The following PHF24 variants were observed in gnomAD, a reference collection of about 807,000 sequenced individuals.
PHF24 encodes PHD finger protein 24.
A neutral mutation model predicts 42.6 loss-of-function variants in PHF24; 25 were observed. The observed-to-expected ratio is 0.59, with a 90% CI of 0.43 to 0.82. PHF24 has a LOEUF of 0.82. Ranked by LOEUF, PHF24 falls within the 40% of genes least tolerant of loss-of-function variation. The pLI, the probability that PHF24 is intolerant of heterozygous loss-of-function variation, is 0.00. For missense variants in PHF24, 470 were observed against 538.1 expected (o/e 0.87, Z 1.25); for synonymous variants, 185 against 204.8 (o/e 0.90, Z 0.83).
the PHF24 span, among the ~76,000 whole-genome samples, chr9:34,735,133 C>CT: frequency 2.8e-3 from 310 of 112,476 alleles, 3 homozygotes; most frequent in African/African-American, 3.4e-3. Flanking sequence ...TTTCTTTTTT[C>CT]TTTTTTTTTT....
At chr9:34,895,541 G>A in the PHF24 span, 1 of 398,416 alleles carries the variant, frequency 2.5e-6, no homozygotes, top group Non-Finnish European at 4.4e-6. Context: ...TCTTGTTTGA[G>A]GCACATCAAT....
intron 1 of PHF24, among the ~76,000 whole-genome samples, chr9:34,964,849 TC>T (rs1826714139): frequency 6.6e-6 from 1 of 152,252 alleles, no homozygotes; most frequent in East Asian, 1.9e-4. Flanking sequence ...CATCACCTGC[TC>T]CTCTCCCCTG....
At chr9:34,879,416 A>G in the PHF24 span, among the ~76,000 whole-genome samples, 1 of 152,202 alleles carries the variant, frequency 6.6e-6, no homozygotes. Context: ...AAACTTCTCC[A>G]AGCTAAAGGA....
chr9:34,675,636 T>C, the PHF24 span, among the ~76,000 whole-genome samples: 1 of 152,142 alleles, frequency 6.6e-6, no homozygotes, highest in Non-Finnish European at 1.5e-5. Context: ...CTTCCCTGCG[T>C]CCTATCCCCT....
At chr9:34,977,018 A>C in intron 5 of PHF24, 65 bp from the exon 6 acceptor site, 1 of 1,504,206 alleles carries the variant, frequency 6.6e-7, no homozygotes, top group South Asian at 1.3e-5. Flanking sequence ...TGGAGATAGG[A>C]TTCTCTATGG....
chr9:34,728,870 T>C, the PHF24 span, among the ~76,000 whole-genome samples: 1 of 152,224 alleles, frequency 6.6e-6, no homozygotes, highest in Non-Finnish European at 1.5e-5. Context: ...CCAAATTCTA[T>C]ACCTCCCATC....
chr9:34,674,555 G>A, the PHF24 span, among the ~76,000 whole-genome samples: 2 of 152,266 alleles, frequency 1.3e-5, no homozygotes, highest in Non-Finnish European at 2.9e-5. Flanking sequence ...AAGCATGGCT[G>A]TATTCCAATA....
At chr9:34,715,539 T>C in the PHF24 span, among the ~76,000 whole-genome samples, 2 of 151,966 alleles carry the variant, frequency 1.3e-5, no homozygotes, top group South Asian at 4.2e-4. Flanking sequence ...ACATCCGAGA[T>C]GTGGGTCTCC....
the PHF24 span, among the ~76,000 whole-genome samples, chr9:34,796,848 A>G: frequency 1.3e-5 from 2 of 152,246 alleles, no homozygotes; most frequent in African/African-American, 4.8e-5. Flanking sequence ...TTATGCTCAC[A>G]CAAAAACTTG....
chr9:34,721,690 T>C, the PHF24 span, among the ~76,000 whole-genome samples: 4 of 152,124 alleles, frequency 2.6e-5, no homozygotes, highest in Non-Finnish European at 5.9e-5. Context: ...GGATTACAGG[T>C]GTGAGCCACT....
the PHF24 span, among the ~76,000 whole-genome samples, chr9:34,674,250 C>T: frequency 2.6e-5 from 4 of 152,182 alleles, no homozygotes; most frequent in South Asian, 2.1e-4. Flanking sequence ...CACTGGTATT[C>T]GGAGCAAAAC....
At chr9:34,930,309 A>G in the PHF24 span, among the ~76,000 whole-genome samples, 245 of 152,318 alleles carry the variant, frequency 1.6e-3, 1 homozygote, top group African/African-American at 5.6e-3. Flanking sequence ...GAGATAAGAC[A>G]TCCCATTTGG....
chr9:34,833,708 G>T, the PHF24 span: 1 of 1,529,206 alleles, frequency 6.5e-7, no homozygotes, highest in Non-Finnish European at 8.9e-7. Context: ...CGTCTCCATT[G>T]TTCCTTTTAC....
chr9:34,945,528 C>T, the PHF24 span, among the ~76,000 whole-genome samples: 3 of 152,258 alleles, frequency 2.0e-5, no homozygotes, highest in East Asian at 3.9e-4. Context: ...AAACCCATGT[C>T]GAATTTAATT....
chr9:34,807,674 G>A, the PHF24 span, among the ~76,000 whole-genome samples: 7 of 151,992 alleles, frequency 4.6e-5, no homozygotes, highest in South Asian at 2.1e-4. Flanking sequence ...TTTAATTAGC[G>A]CTAAATAAGT....
the PHF24 span, among the ~76,000 whole-genome samples, chr9:34,667,906 G>A: frequency 6.6e-6 from 1 of 152,114 alleles, no homozygotes; most frequent in Non-Finnish European, 1.5e-5. Context: ...GGAGGGATTG[G>A]GCAAGGAGAA....
the PHF24 span, among the ~76,000 whole-genome samples, chr9:34,682,534 T>C: frequency 6.6e-6 from 1 of 152,142 alleles, no homozygotes; most frequent in South Asian, 2.1e-4. Context: ...GGAAGAAGGA[T>C]GTATGTTGAT....
chr9:34,875,934 A>ACTCTCTCTCT, the PHF24 span, among the ~76,000 whole-genome samples: 182 of 77,968 alleles, frequency 2.3e-3, no homozygotes, highest in Non-Finnish European at 3.5e-3. Flanking sequence ...ACACACACAC[A>ACTCTCTCTCT]CACACACACA....
At chr9:34,928,147 T>C in the PHF24 span, among the ~76,000 whole-genome samples, 1 of 139,688 alleles carries the variant, frequency 7.2e-6, no homozygotes, top group East Asian at 2.0e-4. Flanking sequence ...ACCCAGGAGG[T>C]GAAGGTTGCA....
Sources: allele counts gnomAD v4.1 joint callset (sites outside exome capture counted in the v4.1 genomes callset), GRCh38; gene constraint gnomAD v4.1.1; transcripts MANE v1.5; gene names NCBI Gene and HGNC (gene_info 2026-07-23, HGNC 2026-07-21).